The following GPR39 variants were observed in gnomAD, a reference collection of about 807,000 sequenced individuals.
GPR39 encodes the protein G protein-coupled receptor 39, also known as zinc sensing receptor.
In GPR39, 23 loss-of-function variants were observed where a neutral mutation model predicts 18.4. The observed-to-expected ratio is 1.25, with a 90% CI of 0.90 to 1.77. GPR39 has a LOEUF of 1.77. Ranked by LOEUF, GPR39 falls within the 40% of genes most tolerant of loss-of-function variation. The pLI is 0.00. For synonymous variants in GPR39, 280 were observed against 257.9 expected (o/e 1.09, Z -0.82); for missense variants, 647 against 602.4 (o/e 1.07, Z -0.78).
At position 132,646,332 on chromosome 2, in the gene GPR39, G is replaced by A. The variant is rs1042213227; in HGVS notation, c.*726G>A. ...GTTAACGTGCACCGGCAAAAGAATA[G>A]CTGTCCCTCTCAGCCCAAATCCAAA... is the stretch of plus-strand genomic sequence containing the variant. On this transcript the variant is annotated 3_prime_UTR_variant, in exon 2 of 2. Coordinates refer to ENST00000329321, the MANE Select transcript of GPR39 (RefSeq NM_001508.3). The A allele has an allele frequency of 2.8e-5, 36 of 1,279,074 alleles. No individual in the cohort carries two copies. The highest frequency in any genetic ancestry group is 3.7e-5 in the Non-Finnish European group (36 of 965,062). The allele number at this position is 1,279,074 out of a possible 1,614,324, so 79.2% of individuals were successfully genotyped here.
intron 1 of GPR39, among the ~76,000 whole-genome samples, chr2:132,457,524 T>A (rs1451165705): frequency 6.6e-6 from 1 of 152,210 alleles, no homozygotes; most frequent in East Asian, 1.9e-4. Context: ...GTTCCATTGC[T>A]GTCCATATGT....
chr2:132,599,125 T>G (rs1415845183), intron 1 of GPR39, among the ~76,000 whole-genome samples: 2 of 151,850 alleles, frequency 1.3e-5, no homozygotes, highest in Non-Finnish European at 2.9e-5. Flanking sequence ...GGGTCTAAGT[T>G]ATAAAGGGGG....
At chr2:132,597,819 AC>A (rs1282312049) in intron 1 of GPR39, among the ~76,000 whole-genome samples, 1 of 152,222 alleles carries the variant, frequency 6.6e-6, no homozygotes, top group African/African-American at 2.4e-5. Flanking sequence ...AAGTCCAAAC[AC>A]TATTGACCCA....
rs369705881 is a variant in GPR39 at position 132,536,763 on chromosome 2, C to T, written c.857-108338C>T. Among the ~76,000 whole-genome samples, 88 of 152,258 alleles carry T rather than the reference C, an allele frequency of 5.8e-4. 1 individual carries two copies. Among genetic ancestry groups the T allele is most frequent in the African/African-American group, 1.9e-3 (78 of 41,550 alleles). On this transcript the variant is annotated intron_variant, in intron 1 of 1. Coordinates refer to ENST00000329321, the MANE Select transcript of GPR39 (RefSeq NM_001508.3). Reference sequence around the variant, plus strand: ...AATCTGGGTGCTCCTGTATTTGGTGCGTATATATTTAGGATAGTTTGCACT... The same window carrying T: ...AATCTGGGTGCTCCTGTATTTGGTGTGTATATATTTAGGATAGTTTGCACT...
intron 1 of GPR39, among the ~76,000 whole-genome samples, chr2:132,479,138 A>G (rs556370410): frequency 2.6e-5 from 4 of 152,172 alleles, no homozygotes; most frequent in African/African-American, 9.7e-5. Context: ...AAAGTGTTGA[A>G]CCCTTTATTT....
intron 1 of GPR39, among the ~76,000 whole-genome samples, chr2:132,494,460 C>T (rs1681599605): frequency 6.6e-6 from 1 of 152,164 alleles, no homozygotes; most frequent in Non-Finnish European, 1.5e-5. Flanking sequence ...CAATTCCTGT[C>T]ACTCGCTGTG....
intron 1 of GPR39, among the ~76,000 whole-genome samples, chr2:132,512,046 T>A (rs2104759168): frequency 6.6e-6 from 1 of 152,342 alleles, no homozygotes; most frequent in Admixed American, 6.5e-5. Context: ...AAGAAGCTGA[T>A]CCTGTGTTCA....
rs746227565 is a variant in GPR39, at chr2:132,417,339, G to C, written c.297G>C (p.Leu99=). 1.9e-6 allele frequency: 3 copies of C among 1,614,150 alleles called. No homozygotes were observed. The South Asian group carries it at 3.3e-5, about 18-fold the overall frequency. ...TCTACAGCATCATCTGGAATCCCCT[G>C]ACCACGTCCAGCTACACCCTGTCCT... is the stretch of plus-strand genomic sequence containing the variant. The part of the protein sequence containing the change: ...MEFYSIIWNP[L]TTSSYTLSCK... Residue 99 remains leucine, a synonymous_variant, in exon 1 of 2, where the codon CTG becomes CTC. Transcript: ENST00000329321.
chr2:132,476,899 A>C (rs1681141042), intron 1 of GPR39, among the ~76,000 whole-genome samples: 1 of 151,968 alleles, frequency 6.6e-6, no homozygotes, highest in South Asian at 2.1e-4. Flanking sequence ...CCACAGAGGC[A>C]CTCCTCTGTG....
intron 1 of GPR39, among the ~76,000 whole-genome samples, chr2:132,456,509 G>A (rs1319999896): frequency 6.6e-6 from 1 of 152,156 alleles, no homozygotes; most frequent in Non-Finnish European, 1.5e-5. Context: ...GTGTGAATCT[G>A]ATCATGTCAT....
Position 132,555,266 on chromosome 2 carries a change from G to A in GPR39, c.857-89835G>A, listed in dbSNP as rs1680127350. ...CTCAACCACTTTTAACACAGAATAG[G>A]TTGGTAATCTATTGCTGTGAAACAA... is the stretch of plus-strand genomic sequence containing the variant. On this transcript the variant is annotated intron_variant, in intron 1 of 1. Transcript: ENST00000329321. 2.0e-5 allele frequency among the ~76,000 whole-genome samples: 3 copies of A among 152,064 alleles called. No individual in the cohort carries two copies. The South Asian group carries it at 6.2e-4, about 32-fold the overall frequency.
chr2:132,513,756 A>C (rs13020697), intron 1 of GPR39, among the ~76,000 whole-genome samples: 54,496 of 152,048 alleles, frequency 0.36, 12,549 homozygotes, highest in Non-Finnish European at 0.5. Context: ...TGGCCCCCCG[A>C]GTGGGAGTGC....
chr2:132,581,762 G>T (rs1457460540), intron 1 of GPR39, among the ~76,000 whole-genome samples: 4 of 152,168 alleles, frequency 2.6e-5, no homozygotes, highest in Non-Finnish European at 5.9e-5. Flanking sequence ...CTCTGCAGGG[G>T]AAGAATTATC....
chr2:132,516,953 A>G (rs1443288867), intron 1 of GPR39, among the ~76,000 whole-genome samples: 1 of 152,228 alleles, frequency 6.6e-6, no homozygotes, highest in Non-Finnish European at 1.5e-5. Context: ...CTCATTTAGA[A>G]GTCTCTAAAT....
chr2:132,610,085 A>G (rs1681213956), intron 1 of GPR39, among the ~76,000 whole-genome samples: 1 of 152,026 alleles, frequency 6.6e-6, no homozygotes, highest in Non-Finnish European at 1.5e-5. Context: ...TATCATAACT[A>G]TTGCATGCAT....
At chr2:132,603,535 C>A (rs1040025612) in intron 1 of GPR39, among the ~76,000 whole-genome samples, 1 of 152,106 alleles carries the variant, frequency 6.6e-6, no homozygotes, top group African/African-American at 2.4e-5. Flanking sequence ...AAGTTCCCTA[C>A]ACAAAGAAAT....
chr2:132,619,976 G>A (rs990900880), intron 1 of GPR39, among the ~76,000 whole-genome samples: 5 of 152,028 alleles, frequency 3.3e-5, no homozygotes, highest in African/African-American at 4.8e-5. Context: ...CTTCACCTGC[G>A]CAAATCTCTG....
At chr2:132,529,923 G>A (rs182271359) in intron 1 of GPR39, among the ~76,000 whole-genome samples, 14 of 152,064 alleles carry the variant, frequency 9.2e-5, no homozygotes, top group East Asian at 1.9e-4. Context: ...CAGAAAAACC[G>A]GAAACTCTAA....
rs897485336 is a variant in GPR39 at position 132,577,292 on chromosome 2, G to A, written c.857-67809G>A. Among the ~76,000 whole-genome samples the A allele has an allele frequency of 3.9e-5, 6 of 152,082 alleles. No homozygotes were observed. The South Asian group carries it at 1.2e-3, about 32-fold the overall frequency. ...GGATTGCTTGAGCCTTGGAGGTGGA[G>A]GTTGCAGTGAGCCAAGATTGTGCCA... On this transcript the variant is annotated intron_variant, in intron 1 of 1. Transcript: ENST00000329321.
Sources: allele counts gnomAD v4.1 joint callset (sites outside exome capture counted in the v4.1 genomes callset), GRCh38; gene constraint gnomAD v4.1.1; transcripts MANE v1.5; gene names NCBI Gene and HGNC (gene_info 2026-07-23, HGNC 2026-07-21).